Variants in IVD observed in about 807,000 individuals in gnomAD.
The protein encoded by IVD is isovaleryl-CoA dehydrogenase, mitochondrial.
In IVD, 31 loss-of-function variants were observed where a neutral mutation model predicts 51.3. That is an observed-to-expected ratio of 0.60 (90% CI 0.45 to 0.81). The LOEUF is 0.81. Among genes scored for constraint, IVD ranks in the 40% least tolerant of loss-of-function variants. The pLI, the probability that IVD is intolerant of heterozygous loss-of-function variation, is 0.00. For missense variants in IVD, 475 were observed against 552.0 expected, an observed-to-expected ratio of 0.86 and a Z score of 1.40; for synonymous variants, 205 against 219.4, an observed-to-expected ratio of 0.93 and a Z score of 0.58.
At position 40,419,268 on chromosome 15, in the gene IVD, TG is replaced by T. The variant is rs1320810493; in HGVS notation, c.*1008del. ...GTGTGTGCCTGTAATCCCAGCACTT[TG>T]GGAGGCCAAGGCAGGTGGATCACTT... On this transcript the variant is annotated 3_prime_UTR_variant, in exon 12 of 12. Coordinates refer to ENST00000487418, the MANE Select transcript of IVD (RefSeq NM_002225.5). 6 of 1,279,228 alleles carry T rather than the reference TG, an allele frequency of 4.7e-6. No individual in the cohort carries two copies. The African/African-American group carries it at 9.1e-5, about 19-fold the overall frequency. The allele number at this position is 1,279,228 out of a possible 1,614,324, so 79.2% of individuals were successfully genotyped here. A position where few individuals can be genotyped will look rare whatever the true frequency, so the allele number is the denominator to read the frequency against.
At chr15:40,426,990 G>A (rs537967427), downstream of IVD, among the ~76,000 whole-genome samples, 19 of 152,316 alleles carry the variant, frequency 1.2e-4, no homozygotes, top group African/African-American at 4.3e-4. Flanking sequence ...ACCCTGCCAG[G>A]CAGCCGGATG....
chr15:40,408,102 G>T (rs1362391415), intron 3 of IVD, 112 bp downstream of exon 3: 1 of 967,168 alleles, frequency 1.0e-6, no homozygotes, highest in Non-Finnish European at 1.6e-6. Context: ...ACCCAGAACT[G>T]CATCTTTTGG....
At chr15:40,416,383 A>C in intron 11 of IVD, 21 bp downstream of exon 11, 1 of 1,610,634 alleles carries the variant, frequency 6.2e-7, no homozygotes, top group Non-Finnish European at 8.5e-7. Flanking sequence ...CCCACTTCCC[A>C]GTCCCGGGGC....
rs943991849 is a variant in IVD, at chr15:40,418,925, G to A, written c.*662G>A. 3.2e-5 allele frequency: 16 copies of A among 505,338 alleles called. No homozygotes were observed. The highest frequency in any genetic ancestry group is 3.0e-4 in the African/African-American group (15 of 49,298). The allele number at this position is 505,338 out of a possible 1,614,324, so 31.3% of individuals were successfully genotyped here. ...AGATGGGTGGATCACCTGAGGTCAG[G>A]AGTTCAAGACCAGCCTGGCCAACAT... On this transcript the variant is annotated 3_prime_UTR_variant, in exon 12 of 12. Coordinates refer to ENST00000487418, the MANE Select transcript of IVD (RefSeq NM_002225.5).
At chr15:40,411,793 C>T (rs1398483847) in intron 6 of IVD, 102 bp downstream of exon 6, 1 of 1,394,172 alleles carries the variant, frequency 7.2e-7, no homozygotes, top group Non-Finnish European at 1.0e-6. Context: ...GTTGTGTGCT[C>T]TGCAAGGCCC....
At chr15:40,414,232 CA>C (rs1174542131) in intron 7 of IVD, among the ~76,000 whole-genome samples, 2 of 152,102 alleles carry the variant, frequency 1.3e-5, no homozygotes, top group Non-Finnish European at 2.9e-5. Context: ...ACTGACAGCC[CA>C]AAAAAGTGTA....
At chr15:40,430,480 A>T (rs996231627) in intron 7 of IVD, among the ~76,000 whole-genome samples, 5 of 152,220 alleles carry the variant, frequency 3.3e-5, no homozygotes, top group African/African-American at 1.2e-4. Flanking sequence ...GAGTGTAAGC[A>T]GGAGTCACGG....
At chr15:40,432,408 C>G (rs1447878687) in intron 7 of IVD, among the ~76,000 whole-genome samples, 2 of 152,212 alleles carry the variant, frequency 1.3e-5, no homozygotes, top group Admixed American at 6.5e-5. Context: ...CATGGCCTCC[C>G]AAGTCTTCTT....
chr15:40,427,971 C>G (rs1051346561), downstream of IVD, among the ~76,000 whole-genome samples: 1 of 152,118 alleles, frequency 6.6e-6, no homozygotes, highest in Non-Finnish European at 1.5e-5. Flanking sequence ...CACCTGAGGT[C>G]AGAAGTTTGA....
In IVD at chr15:40,418,473, G is replaced by A. The variant is rs927993866; in HGVS notation, c.*210G>A. ...GCCTGTGCCACGGCTAGTGTTGTGT[G>A]ATTTAAAATGGACTCAGCAGGAAGC... is the stretch of plus-strand genomic sequence containing the variant. On this transcript the variant is annotated 3_prime_UTR_variant, in exon 12 of 12. Coordinates refer to ENST00000487418, the MANE Select transcript of IVD (RefSeq NM_002225.5). 26 of 1,413,006 alleles carry A rather than the reference G, an allele frequency of 1.8e-5. No individual in the cohort carries two copies. The African/African-American group carries it at 3.0e-4, about 16-fold the overall frequency. The allele number at this position is 1,413,006 out of a possible 1,614,324, so 87.5% of individuals were successfully genotyped here. A position where few individuals can be genotyped will look rare whatever the true frequency, so the allele number is the denominator to read the frequency against.
intron 8 of IVD, chr15:40,434,022 C>A: frequency 2.3e-6 from 1 of 428,628 alleles, no homozygotes; most frequent in Non-Finnish European, 4.7e-6. Flanking sequence ...GTCTCTGTGG[C>A]CACAGTGCAG....
chr15:40,406,115 G>A, intron 1 of IVD, 144 bp downstream of exon 1: 3 of 1,539,432 alleles, frequency 1.9e-6, no homozygotes, highest in Non-Finnish European at 2.6e-6. Context: ...CAGCGCGGGG[G>A]CGGGACGCGG....
intron 4 of IVD, 37 bp from the exon 5 acceptor site, chr15:40,411,223 A>T: frequency 6.3e-7 from 1 of 1,598,370 alleles, no homozygotes; most frequent in Non-Finnish European, 8.6e-7. Context: ...GGGTACTCTG[A>T]GGTTGTAACA....
chr15:40,429,234 C>T (rs541724273), downstream of IVD, among the ~76,000 whole-genome samples: 1 of 152,318 alleles, frequency 6.6e-6, no homozygotes, highest in East Asian at 1.9e-4. Context: ...CTCACTTAGG[C>T]ACCTGTCCCC....
chr15:40,408,274 C>G (rs895941586), intron 3 of IVD, among the ~76,000 whole-genome samples: 4 of 152,178 alleles, frequency 2.6e-5, no homozygotes, highest in Non-Finnish European at 2.9e-5. Flanking sequence ...ATAGGCTCAC[C>G]CAGGTGATTT....
chr15:40,422,584 A>C (rs1398850283), downstream of IVD, among the ~76,000 whole-genome samples: 1 of 26,530 alleles, frequency 3.8e-5, no homozygotes, highest in African/African-American at 1.7e-4. Flanking sequence ...CGCCCGGCCG[A>C]CTTTTTTTTT....
chr15:40,415,034 G>C, intron 8 of IVD, 52 bp downstream of exon 8: 11 of 1,600,546 alleles, frequency 6.9e-6, no homozygotes, highest in African/African-American at 1.3e-5. Context: ...TCCTCGGCAG[G>C]TGACCCACCA....
At chr15:40,435,445 T>G (rs949221712) in exon 9 of IVD, 6 of 1,237,964 alleles carry the variant, frequency 4.8e-6, no homozygotes, top group Middle Eastern at 2.2e-4. Context: ...AACACCCACC[T>G]GGGAGGGAGG....
intron 7 of IVD, 56 bp downstream of exon 7, chr15:40,413,143 T>TGGAA: frequency 7.2e-7 from 1 of 1,391,094 alleles, no homozygotes. Context: ...CAGGCTGATC[T>TGGAA]GGCTGTTCTC....
Sources: allele counts gnomAD v4.1 joint callset (sites outside exome capture counted in the v4.1 genomes callset), GRCh38; gene constraint gnomAD v4.1.1; transcripts MANE v1.5; gene names NCBI Gene and HGNC (gene_info 2026-07-23, HGNC 2026-07-21).